MDN1: variants seen among roughly 807,000 people sequenced by gnomAD.
MDN1 encodes midasin.
A neutral mutation model predicts 669.2 loss-of-function variants in MDN1; 266 were observed. The ratio of observed to expected loss-of-function variants is 0.40; its 90% confidence interval spans 0.36 to 0.44. The LOEUF (loss-of-function observed/expected upper bound fraction) is 0.44. MDN1 is among the 20% of genes least tolerant of loss of function. The pLI is 1.00. For missense variants in MDN1, 5,940 were observed against 6,754.0 expected (o/e 0.88, Z 4.22); for synonymous variants, 2,385 against 2,457.1 (o/e 0.97, Z 0.87).
At chr6:89,787,711 T>A in intron 8 of MDN1, 143 bp downstream of exon 8, 1 of 556,426 alleles carries the variant, frequency 1.8e-6, no homozygotes, top group Non-Finnish European at 3.1e-6. Flanking sequence ...TAATCAGGAA[T>A]GAGAAGGTTA....
intron 1 of MDN1, among the ~76,000 whole-genome samples, chr6:89,818,706 G>A (rs1474475150): frequency 1.3e-5 from 2 of 151,990 alleles, no homozygotes; most frequent in South Asian, 2.1e-4. Flanking sequence ...GCTACTGAGA[G>A]GGTGAGGCAG....
At chr6:89,816,096 C>G (rs543601527) in intron 1 of MDN1, among the ~76,000 whole-genome samples, 1 of 152,276 alleles carries the variant, frequency 6.6e-6, no homozygotes, top group South Asian at 2.1e-4. Flanking sequence ...ACACTGCTTT[C>G]TCATAATAAA....
chr6:89,652,413 T>G, intron 94 of MDN1, 132 bp from the exon 95 acceptor site: 1 of 691,082 alleles, frequency 1.4e-6, no homozygotes, highest in South Asian at 1.7e-5. Flanking sequence ...AAAACTTAAT[T>G]CAGCAAATAC....
intron 10 of MDN1, 23 bp downstream of exon 10, chr6:89,781,376 G>GA: frequency 6.2e-7 from 1 of 1,603,486 alleles, no homozygotes; most frequent in South Asian, 1.1e-5. Context: ...AGAAAGAAAA[G>GA]AAAAAACTGT....
At chr6:89,679,721 C>T (rs559211709) in intron 74 of MDN1, among the ~76,000 whole-genome samples, 1 of 152,356 alleles carries the variant, frequency 6.6e-6, no homozygotes, top group Non-Finnish European at 1.5e-5. Flanking sequence ...TAGCCTCACA[C>T]TGAAGCCACC....
intron 11 of MDN1, among the ~76,000 whole-genome samples, chr6:89,777,978 GTAA>G (rs1818438391): frequency 6.6e-6 from 1 of 152,106 alleles, no homozygotes; most frequent in African/African-American, 2.4e-5. Context: ...ACTGCTTTGA[GTAA>G]TAATAAAACT....
intron 15 of MDN1, among the ~76,000 whole-genome samples, chr6:89,764,948 T>C (rs928734599): frequency 1.3e-5 from 2 of 152,122 alleles, no homozygotes; most frequent in Non-Finnish European, 2.9e-5. Context: ...AAGCAAGACC[T>C]TGTCTCCATA....
In MDN1 at chr6:89,642,727, A is replaced by G. The variant is rs1044702822; in HGVS notation, c.*1278T>C. The G allele has an allele frequency of 1.3e-5, 2 of 152,240 alleles. No homozygotes were observed. The highest frequency in any genetic ancestry group is 4.8e-5 in the African/African-American group (2 of 41,464). The allele number at this position is 152,240 out of a possible 1,614,324, so 9.4% of individuals were successfully genotyped here. ...ATCCAGCAGAGAAGATCAGTCCCCT[A>G]GCATACCTTTTACAATCCTGTCATC... On this transcript the variant is annotated 3_prime_UTR_variant, in exon 102 of 102. Transcript: ENST00000369393.
chr6:89,654,299 C>A lies in MDN1; in HGVS notation c.15526G>T (p.Asp5176Tyr), dbSNP rs1414174814. 2 of 1,614,240 alleles carry A rather than the reference C, an allele frequency of 1.2e-6. No homozygotes were observed. The highest frequency in any genetic ancestry group is 2.2e-5 in the South Asian group (2 of 91,086). The change falls in exon 93 of 102, where the codon GAC (aspartate) becomes TAC (tyrosine). Residue 5176 changes from aspartate to tyrosine, a missense_variant. This residue lies in a region of MDN1 where 2,280 missense variants were observed against 2,576.3 expected (regional missense o/e 0.88). Coordinates refer to ENST00000369393, the MANE Select transcript of MDN1 (RefSeq NM_014611.3). ...TCCTCTTCCTGATCTTTGCCAGAGTCTTTTGCAGACTGTTGCTGTTCTTTG... is the reference window on the plus strand; with the variant it reads ...TCCTCTTCCTGATCTTTGCCAGAGTATTTTGCAGACTGTTGCTGTTCTTTG... ...ASKEQQQSAK[D>Y]SGKDQEEEEI... is the part of the protein sequence containing the mutation.
intron 78 of MDN1, among the ~76,000 whole-genome samples, chr6:89,674,938 G>A (rs1351932671): frequency 1.3e-5 from 2 of 152,180 alleles, no homozygotes; most frequent in African/African-American, 4.8e-5. Flanking sequence ...CTTCAGCCAC[G>A]AATCCATTCA....
chr6:89,718,270 CTAAAT>C, intron 43 of MDN1, 91 bp downstream of exon 43: 1 of 1,322,976 alleles, frequency 7.6e-7, no homozygotes. Context: ...TTAATAATTA[CTAAAT>C]TAATACAAAA....
chr6:89,656,319 T>C (rs890570718), intron 91 of MDN1, among the ~76,000 whole-genome samples: 3 of 152,130 alleles, frequency 2.0e-5, no homozygotes, highest in South Asian at 2.1e-4. Flanking sequence ...GGATTGGTTT[T>C]TTACACTAAT....
intron 2 of MDN1, among the ~76,000 whole-genome samples, chr6:89,801,532 T>C (rs1767659390): frequency 6.6e-6 from 1 of 152,088 alleles, no homozygotes; most frequent in Admixed American, 6.6e-5. Flanking sequence ...GCACCTGTAG[T>C]CCCAGCTACT....
rs141429154 is a variant in MDN1, at chr6:89,732,579, C to T, written c.4920G>A (p.Val1640=). 12 of 1,614,112 alleles carry T rather than the reference C, an allele frequency of 7.4e-6. No individual in the cohort carries two copies. The South Asian group carries it at 7.7e-5, about 10-fold the overall frequency. ...TACCTGAACCTATTCCATCTATGTACACCAGGCATGCAGCATGGACAAAAG... is the reference window on the plus strand; with the variant it reads ...TACCTGAACCTATTCCATCTATGTATACCAGGCATGCAGCATGGACAAAAG... The part of the protein sequence containing the change: ...VTSFVHAACL[V]YIDGIGSGVT... Residue 1640 remains valine, a synonymous_variant, in exon 34 of 102, where the codon GTG becomes GTA. Transcript: ENST00000369393.
At chr6:89,772,759 C>T (rs1461524067) in intron 13 of MDN1, 38 bp from the exon 14 acceptor site, 1 of 1,601,654 alleles carries the variant, frequency 6.2e-7, no homozygotes, top group Admixed American at 1.7e-5. Context: ...AACCACGCTG[C>T]AAGCTTCTCC....
chr6:89,673,175 C>A, intron 80 of MDN1, 61 bp downstream of exon 80: 2 of 1,380,956 alleles, frequency 1.4e-6, no homozygotes, highest in Non-Finnish European at 2.1e-6. Flanking sequence ...ATGAGACTTA[C>A]ATCTATAAGA....
intron 49 of MDN1, 67 bp downstream of exon 49, chr6:89,711,969 T>C: frequency 7.4e-7 from 1 of 1,347,850 alleles, no homozygotes; most frequent in African/African-American, 1.4e-5. Context: ...ACACAGCTGC[T>C]GAGGCACTTA....
chr6:89,659,354 GA>G (rs1197366406), intron 88 of MDN1, among the ~76,000 whole-genome samples: 2 of 152,198 alleles, frequency 1.3e-5, no homozygotes, highest in Non-Finnish European at 2.9e-5. Context: ...GTCTGGGTGA[GA>G]GGGCAAGACC....
chr6:89,672,732 T>C (rs368897774), intron 80 of MDN1, 30 bp from the exon 81 acceptor site: 242 of 1,605,988 alleles, frequency 1.5e-4, no homozygotes, highest in Non-Finnish European at 1.9e-4. Context: ...AAAACAAACA[T>C]ACAAACAAAA....
Sources: allele counts gnomAD v4.1 joint callset (sites outside exome capture counted in the v4.1 genomes callset), GRCh38; gene constraint gnomAD v4.1.1; regional missense constraint gnomAD v4.1.1; transcripts MANE v1.5; gene names NCBI Gene and HGNC (gene_info 2026-07-23, HGNC 2026-07-21).